The following NEK9 variants were observed in gnomAD, a reference collection of about 807,000 sequenced individuals.
The protein encoded by NEK9 is NIMA related kinase 9.
NEK9 carries 75 observed loss-of-function variants against 123.4 expected under a neutral mutation model. That is an observed-to-expected ratio of 0.61 (90% CI 0.50 to 0.74). NEK9 has a LOEUF of 0.74. Ranked by LOEUF, NEK9 falls within the 30% of genes least tolerant of loss-of-function variation. The pLI is 0.00. For synonymous variants in NEK9, 438 were observed against 458.7 expected (o/e 0.95, Z 0.58); for missense variants, 952 against 1,214.4 (o/e 0.78, Z 3.21).
intron 10 of NEK9, among the ~76,000 whole-genome samples, chr14:75,108,281 C>T (rs142239233): frequency 6.6e-6 from 1 of 151,940 alleles, no homozygotes; most frequent in Non-Finnish European, 1.5e-5. Context: ...CCCGCCACCA[C>T]GCCTGGCTAA....
intron 10 of NEK9, among the ~76,000 whole-genome samples, chr14:75,108,508 C>T (rs916728508): frequency 6.1e-5 from 5 of 82,348 alleles, no homozygotes; most frequent in South Asian, 5.0e-4. Context: ...TATGTGTGTG[C>T]GTGTGCGTGT....
Position 75,126,833 on chromosome 14 carries a change from G to A in NEK9, c.89C>T (p.Pro30Leu). The change falls in exon 1 of 22, where the codon CCG becomes CTG. Residue 30 changes from proline (P) to leucine (L), a missense_variant. By Grantham distance (98) the Pro-to-Leu change is moderately conservative (BLOSUM62 -3). This residue lies in a region of NEK9 where 120 missense variants were observed against 97.6 expected (regional missense o/e 1.23). Transcript: ENST00000238616. Reference protein sequence around the residue: ...SESGGCGDSSPGPSASQGPRA... With the variant: ...SESGGCGDSSLGPSASQGPRA... ...CGGCCCCTGACTGGCGCTAGGCCCC[G>A]GACTCGAGTCCCCGCAACCCCCGGA... 3 of 1,533,060 alleles carry A rather than the reference G, an allele frequency of 2.0e-6. No individual in the cohort carries two copies. Among genetic ancestry groups the A allele is most frequent in the East Asian group, 2.6e-5 (1 of 38,380 alleles). 95.0% of individuals were successfully genotyped at this position (1,533,060 alleles called of 1,614,324 possible).
intron 6 of NEK9, chr14:75,116,498 C>T: frequency 2.8e-6 from 1 of 360,876 alleles, no homozygotes; most frequent in Non-Finnish European, 5.7e-6. Flanking sequence ...TTACACGTTT[C>T]TAGGAAAGTG....
chr14:75,118,615 T>A (rs1015946930), intron 5 of NEK9, among the ~76,000 whole-genome samples: 2 of 152,176 alleles, frequency 1.3e-5, no homozygotes, highest in Non-Finnish European at 2.9e-5. Flanking sequence ...AAGTCCCTAA[T>A]CAGTGCTGGA....
chr14:75,092,181 T>C (rs759565310), intron 18 of NEK9, among the ~76,000 whole-genome samples: 3 of 152,038 alleles, frequency 2.0e-5, no homozygotes, highest in Non-Finnish European at 4.4e-5. Flanking sequence ...GGTTTCACTA[T>C]GTTGGCCAGG....
chr14:75,119,710 A>C (rs1895261010), intron 4 of NEK9, among the ~76,000 whole-genome samples: 2 of 152,366 alleles, frequency 1.3e-5, no homozygotes, highest in African/African-American at 4.8e-5. Context: ...CCCTGCAATG[A>C]TATGATTAGG....
chr14:75,110,630 C>T (rs978669078), intron 8 of NEK9, among the ~76,000 whole-genome samples: 1 of 152,132 alleles, frequency 6.6e-6, no homozygotes, highest in East Asian at 1.9e-4. Flanking sequence ...CAGGCTGGAA[C>T]AGAGAGCCTT....
rs140694625 is a variant in NEK9, at chr14:75,101,758, T to C, written c.1739A>G (p.His580Arg). The C allele has an allele frequency of 1.5e-5, 24 of 1,608,802 alleles. No individual in the cohort carries two copies. Among genetic ancestry groups the C allele is most frequent in the South Asian group, 4.4e-5 (4 of 90,918 alleles). The change falls in exon 15 of 22, where the codon CAT (histidine) becomes CGT (arginine). Residue 580 changes from histidine to arginine, a missense_variant. Around this residue, in one of 4 missense-constraint regions of NEK9, gnomAD observed 698 missense variants for 875.6 expected, o/e 0.80. Coordinates refer to ENST00000238616, the MANE Select transcript of NEK9 (RefSeq NM_033116.6). The stretch of plus-strand genomic sequence containing the variant: ...AAAGGACGTTGTGTAGGGAACTTCA[T>C]GGTATGCCTGAAACAAAATAAAACA... ...MSGIINHEAY[H>R]EVPYTTSFTL...
chr14:75,102,897 T>C (rs145581414), intron 14 of NEK9, among the ~76,000 whole-genome samples: 49 of 152,258 alleles, frequency 3.2e-4, no homozygotes, highest in African/African-American at 1.1e-3. Context: ...TTTGTAGGGA[T>C]ATGGATGAAT....
rs796767602 is a variant in NEK9, at chr14:75,120,447, G to A, written c.524+63C>T. The A allele has an allele frequency of 1.5e-5, 16 of 1,074,744 alleles. No individual in the cohort carries two copies. The South Asian group carries it at 1.9e-4, about 13-fold the overall frequency. 66.6% of individuals were successfully genotyped at this position (1,074,744 alleles called of 1,614,324 possible). Reference sequence around the variant, plus strand: ...AGAAAATAAAAGTGTTGTTGGGGGGGTATCCACGGTAGGGGCTGAATTGGT... The same window carrying A: ...AGAAAATAAAAGTGTTGTTGGGGGGATATCCACGGTAGGGGCTGAATTGGT... On this transcript the variant is annotated intron_variant, in intron 4 of 21. Coordinates refer to ENST00000238616, the MANE Select transcript of NEK9 (RefSeq NM_033116.6).
intron 3 of NEK9, chr14:75,120,896 A>G: frequency 1.6e-6 from 1 of 642,006 alleles, no homozygotes; most frequent in Non-Finnish European, 2.8e-6. Flanking sequence ...AGAACCAGGA[A>G]AGAAAGCCCA....
chr14:75,106,558 T>C lies in NEK9; in HGVS notation c.1472A>G (p.His491Arg), dbSNP rs766227479. The C allele has an allele frequency of 6.2e-7, 1 of 1,614,010 alleles. No individual in the cohort carries two copies. The highest frequency in any genetic ancestry group is 1.1e-5 in the South Asian group (1 of 91,074). ...CTTGTTTCGTGTCAGAACCACCACA[T>C]GATTATCTCCACAGGAGACCTGCTC... ...PVEQVSCGDN[H>R]VVVLTRNKEV... The change falls in exon 12 of 22, where the codon CAT becomes CGT. Residue 491 changes from histidine (H) to arginine (R), a missense_variant. Around this residue, in one of 4 missense-constraint regions of NEK9, gnomAD observed 698 missense variants for 875.6 expected, o/e 0.80. Coordinates refer to ENST00000238616, the MANE Select transcript of NEK9 (RefSeq NM_033116.6).
chr14:75,116,194 G>A (rs969736084), intron 6 of NEK9, among the ~76,000 whole-genome samples: 1 of 152,210 alleles, frequency 6.6e-6, no homozygotes, highest in Non-Finnish European at 1.5e-5. Context: ...GCTCATACCT[G>A]TAATCCTAGC....
At chr14:75,109,953 C>T (rs1355244871) in intron 9 of NEK9, 76 bp from the exon 10 acceptor site, 1 of 1,402,242 alleles carries the variant, frequency 7.1e-7, no homozygotes, top group African/African-American at 1.4e-5. Context: ...CAGTCTGTTC[C>T]CTGAGAAGAA....
chr14:75,093,695 T>C (rs1386789953), intron 18 of NEK9, among the ~76,000 whole-genome samples: 2 of 152,214 alleles, frequency 1.3e-5, no homozygotes, highest in Non-Finnish European at 2.9e-5. Flanking sequence ...GACCTTGTGA[T>C]CTGCCTGCCT....
chr14:75,126,923 G>T lies in NEK9; in HGVS notation c.-2C>A, dbSNP rs1162770361. 6.8e-7 allele frequency: 1 copy of T among 1,459,940 alleles called. No individual in the cohort carries two copies. The highest frequency in any genetic ancestry group is 1.5e-5 in the African/African-American group (1 of 67,728). The allele number at this position is 1,459,940 out of a possible 1,614,324, so 90.4% of individuals were successfully genotyped here. A position where few individuals can be genotyped will look rare whatever the true frequency, so the allele number is the denominator to read the frequency against. On this transcript the variant is annotated 5_prime_UTR_variant, in exon 1 of 22. Coordinates refer to ENST00000238616, the MANE Select transcript of NEK9 (RefSeq NM_033116.6). Reference sequence around the variant, plus strand: ...CTCGTACTCGCCCAGCACCGACATGGCGGCGGCCGCGGGCCTTGGGGACCA... The same window carrying T: ...CTCGTACTCGCCCAGCACCGACATGTCGGCGGCCGCGGGCCTTGGGGACCA...
chr14:75,113,573 A>G (rs1213785462), intron 7 of NEK9, among the ~76,000 whole-genome samples, 170 bp from the exon 8 acceptor site: 1 of 152,190 alleles, frequency 6.6e-6, no homozygotes, highest in Non-Finnish European at 1.5e-5. Flanking sequence ...ACACTTGTAC[A>G]TGAAGGAGAA....
At chr14:75,101,545 C>A in intron 15 of NEK9, 112 bp downstream of exon 15, 1 of 630,064 alleles carries the variant, frequency 1.6e-6, no homozygotes, top group Non-Finnish European at 2.7e-6. Flanking sequence ...TGAAATAATA[C>A]TAGATTTTCA....
At chr14:75,086,003 A>G (rs992443806) in intron 21 of NEK9, among the ~76,000 whole-genome samples, 5 of 152,076 alleles carry the variant, frequency 3.3e-5, no homozygotes, top group Non-Finnish European at 7.4e-5. Flanking sequence ...AGCCTGGCCA[A>G]TATGGTGAAA....
Sources: allele counts gnomAD v4.1 joint callset (sites outside exome capture counted in the v4.1 genomes callset), GRCh38; gene constraint gnomAD v4.1.1; regional missense constraint gnomAD v4.1.1; transcripts MANE v1.5; gene names NCBI Gene and HGNC (gene_info 2026-07-23, HGNC 2026-07-21).